The following CACNA2D3 variants were observed in gnomAD, a reference collection of about 807,000 sequenced individuals.
CACNA2D3 encodes the protein voltage-dependent calcium channel subunit alpha-2/delta-3.
A neutral mutation model predicts 160.6 loss-of-function variants in CACNA2D3; 60 were observed. The observed-to-expected ratio is 0.37, with a 90% CI of 0.30 to 0.46. The LOEUF (loss-of-function observed/expected upper bound fraction) is 0.46, where lower values mean the gene tolerates loss of function less well. CACNA2D3 is among the 20% of genes least tolerant of loss of function. The probability of loss-of-function intolerance (pLI) is 1.00; values close to 1 mark genes in which losing one functional copy is unlikely to be tolerated. For missense variants in CACNA2D3, 1,205 were observed against 1,365.0 expected (o/e 0.88, Z 1.85); for synonymous variants, 558 against 492.9 (o/e 1.13, Z -1.75).
At chr3:54,183,281 G>A (rs1348078591) in intron 2 of CACNA2D3, among the ~76,000 whole-genome samples, 3 of 148,000 alleles carry the variant, frequency 2.0e-5, no homozygotes, top group Non-Finnish European at 4.4e-5. Context: ...AAATTCCATA[G>A]TAGTTTGCAC....
intron 16 of CACNA2D3, among the ~76,000 whole-genome samples, chr3:54,841,166 G>A (rs1698811319): frequency 6.6e-6 from 1 of 152,220 alleles, no homozygotes; most frequent in Non-Finnish European, 1.5e-5. Flanking sequence ...TGTGGTTGGT[G>A]TCATCCAAAG....
At chr3:54,408,706 C>A (rs1284050464) in intron 4 of CACNA2D3, among the ~76,000 whole-genome samples, 1 of 152,184 alleles carries the variant, frequency 6.6e-6, no homozygotes, top group Non-Finnish European at 1.5e-5. Flanking sequence ...AGAGCCAAGT[C>A]AATCTATAAC....
intron 2 of CACNA2D3, among the ~76,000 whole-genome samples, chr3:54,209,076 G>A (rs1044666939): frequency 2.0e-5 from 3 of 152,050 alleles, no homozygotes; most frequent in Non-Finnish European, 2.9e-5. Flanking sequence ...TGTCTCCCAC[G>A]GGGTCCCTCC....
intron 5 of CACNA2D3, among the ~76,000 whole-genome samples, chr3:54,511,541 A>G (rs908776195): frequency 6.6e-6 from 1 of 152,190 alleles, no homozygotes; most frequent in Admixed American, 6.5e-5. Flanking sequence ...GAAGACAGTA[A>G]TTTTAGATGT....
In CACNA2D3 at chr3:54,296,095, G is replaced by A. The variant is rs143667706; in HGVS notation, c.205-24347G>A. Among the ~76,000 whole-genome samples, 649 of 152,284 alleles carry A rather than the reference G, an allele frequency of 4.3e-3. 3 individuals carry two copies. Among genetic ancestry groups the A allele is most frequent in the South Asian group, 0.02 (97 of 4,828 alleles). On this transcript the variant is annotated intron_variant, in intron 2 of 37. Transcript: ENST00000474759. ...GCCTTGGAAGGGGATGAACTTTAGG[G>A]TGCACGTCCCAGTGGCTTTATGGAG... is the stretch of plus-strand genomic sequence containing the variant.
chr3:54,920,399 C>T (rs1021505050), intron 27 of CACNA2D3, among the ~76,000 whole-genome samples: 1 of 149,838 alleles, frequency 6.7e-6, no homozygotes, highest in African/African-American at 2.5e-5. Flanking sequence ...CTGCTTAAAA[C>T]TGAATCACCC....
rs549776215 is a variant in CACNA2D3, at chr3:55,009,057, T to TG, written c.2820-329dup. Among the ~76,000 whole-genome samples, 3 of 152,326 alleles carry TG rather than the reference T, an allele frequency of 2.0e-5. No individual in the cohort carries two copies. In the East Asian group the frequency reaches 5.8e-4, roughly 29 times the overall value. ...AAGGGAAGAGAAGCTTATTAGAAATTGGCTTTTTACTGTGGAATCAAACTA... is the reference window on the plus strand; with the variant it reads ...AAGGGAAGAGAAGCTTATTAGAAATTGGGCTTTTTACTGTGGAATCAAACTA... On this transcript the variant is annotated intron_variant, in intron 33 of 37. Coordinates refer to ENST00000474759, the MANE Select transcript of CACNA2D3 (RefSeq NM_018398.3).
intron 4 of CACNA2D3, among the ~76,000 whole-genome samples, chr3:54,464,466 G>A (rs897030859): frequency 1.3e-5 from 2 of 152,248 alleles, no homozygotes; most frequent in African/African-American, 4.8e-5. Flanking sequence ...CCCTAAGCAA[G>A]CCTGGGCAAT....
intron 27 of CACNA2D3, among the ~76,000 whole-genome samples, chr3:54,920,630 C>T (rs1292040406): frequency 6.6e-6 from 1 of 152,090 alleles, no homozygotes; most frequent in African/African-American, 2.4e-5. Flanking sequence ...TGCACCTGAC[C>T]ATAGGAGCCT....
intron 29 of CACNA2D3, among the ~76,000 whole-genome samples, chr3:54,974,995 A>T (rs1702353274): frequency 6.6e-6 from 1 of 152,118 alleles, no homozygotes; most frequent in Non-Finnish European, 1.5e-5. Context: ...TTGTAAAGTG[A>T]TATGGAAAAA....
chr3:54,863,220 C>T (rs956206428), intron 17 of CACNA2D3, among the ~76,000 whole-genome samples: 2 of 152,152 alleles, frequency 1.3e-5, no homozygotes, highest in Admixed American at 6.5e-5. Context: ...TAACTTTTGT[C>T]GAGGAGACTT....
intron 11 of CACNA2D3, among the ~76,000 whole-genome samples, chr3:54,713,539 TC>T (rs1250255191): frequency 6.6e-6 from 1 of 152,194 alleles, no homozygotes; most frequent in Non-Finnish European, 1.5e-5. Context: ...GAGTTGAAAT[TC>T]CTCTTTTCTT....
intron 11 of CACNA2D3, among the ~76,000 whole-genome samples, chr3:54,676,529 G>A (rs567181988): frequency 8.5e-5 from 13 of 152,268 alleles, no homozygotes; most frequent in South Asian, 6.2e-4. Context: ...GTTGGGCTGT[G>A]TAGAGGGCAG....
At chr3:54,940,345 G>A (rs1047164850) in intron 27 of CACNA2D3, among the ~76,000 whole-genome samples, 1 of 152,194 alleles carries the variant, frequency 6.6e-6, no homozygotes, top group African/African-American at 2.4e-5. Flanking sequence ...CAACTTCCCT[G>A]TAGTATAGTA....
At chr3:54,582,311 ATGCTGTC>A (rs1245966300) in intron 9 of CACNA2D3, among the ~76,000 whole-genome samples, 1 of 152,196 alleles carries the variant, frequency 6.6e-6, no homozygotes, top group Non-Finnish European at 1.5e-5. Flanking sequence ...AAGGATAGGA[ATGCTGTC>A]TGCTCACTAC....
chr3:54,985,159 C>T (rs1320188491), intron 30 of CACNA2D3, among the ~76,000 whole-genome samples: 2 of 152,148 alleles, frequency 1.3e-5, no homozygotes, highest in South Asian at 2.1e-4. Context: ...CAAGGATTAA[C>T]AGCTTGGGCT....
chr3:54,847,291 T>C (rs2106776046), intron 17 of CACNA2D3, among the ~76,000 whole-genome samples: 1 of 152,310 alleles, frequency 6.6e-6, no homozygotes, highest in African/African-American at 2.4e-5. Context: ...TTATAAAGAG[T>C]AATGCAGTGA....
At chr3:54,611,280 T>A (rs551444149) in intron 9 of CACNA2D3, among the ~76,000 whole-genome samples, 1 of 152,332 alleles carries the variant, frequency 6.6e-6, no homozygotes, top group Admixed American at 6.5e-5. Flanking sequence ...TTGAGTCACA[T>A]GTTTCTAATT....
intron 35 of CACNA2D3, among the ~76,000 whole-genome samples, chr3:55,025,985 GA>G (rs1703557575): frequency 6.6e-6 from 1 of 151,786 alleles, no homozygotes; most frequent in African/African-American, 2.4e-5. Flanking sequence ...CACACCTACA[GA>G]AAAGTGTCCA....
Sources: allele counts gnomAD v4.1 joint callset (sites outside exome capture counted in the v4.1 genomes callset), GRCh38; gene constraint gnomAD v4.1.1; transcripts MANE v1.5; gene names NCBI Gene and HGNC (gene_info 2026-07-23, HGNC 2026-07-21).